Variants in ZC3H11A observed in about 807,000 individuals in gnomAD.
The protein encoded by ZC3H11A is zinc finger CCCH-type containing 11A.
Under a neutral mutation model 90.8 loss-of-function variants are expected in ZC3H11A, and 22 were observed. The ratio of observed to expected loss-of-function variants is 0.24; its 90% confidence interval spans 0.17 to 0.35. The LOEUF (loss-of-function observed/expected upper bound fraction) is 0.35, where lower values mean the gene tolerates loss of function less well. Ranked by LOEUF, ZC3H11A falls within the 10% of genes least tolerant of loss-of-function variation. ZC3H11A has a pLI of 1.00. For synonymous variants in ZC3H11A, 294 were observed against 339.8 expected, an observed-to-expected ratio of 0.87 and a Z score of 1.48; for missense variants, 701 against 964.9, an observed-to-expected ratio of 0.73 and a Z score of 3.62.
intron 14 of ZC3H11A, 32 bp downstream of exon 14, chr1:203,848,439 A>C (rs1208315071): frequency 6.5e-7 from 1 of 1,548,732 alleles, no homozygotes; most frequent in Non-Finnish European, 8.8e-7. Flanking sequence ...GGTTTTGTTC[A>C]TGGCAAACAA....
At chr1:203,842,570 A>G (rs1363708487) in intron 12 of ZC3H11A, among the ~76,000 whole-genome samples, 1 of 147,396 alleles carries the variant, frequency 6.8e-6, no homozygotes, top group African/African-American at 2.5e-5. Context: ...CTTGGCTTTC[A>G]CAACTTTGGT....
intron 4 of ZC3H11A, among the ~76,000 whole-genome samples, 166 bp downstream of exon 4, chr1:203,818,855 G>C (rs1452139903): frequency 1.3e-5 from 2 of 151,744 alleles, no homozygotes; most frequent in Non-Finnish European, 2.9e-5. Context: ...AGATCATGAG[G>C]TCAGGAGATT....
At chr1:203,842,102 C>G (rs1686511236) in intron 12 of ZC3H11A, among the ~76,000 whole-genome samples, 1 of 151,082 alleles carries the variant, frequency 6.6e-6, no homozygotes, top group Admixed American at 6.6e-5. Flanking sequence ...AAGAGGCGCT[C>G]CTCACTTCCC....
intron 12 of ZC3H11A, among the ~76,000 whole-genome samples, chr1:203,845,503 A>G (rs1030600170): frequency 6.6e-6 from 1 of 152,220 alleles, no homozygotes; most frequent in African/African-American, 2.4e-5. Context: ...ATTACAGTGT[A>G]CTGAGTGTTC....
intron 1 of ZC3H11A, chr1:203,799,763 G>A (rs1278495188): frequency 5.4e-6 from 5 of 928,300 alleles, no homozygotes; most frequent in Admixed American, 2.0e-5. Context: ...GTTTATCTCT[G>A]AAACTTGAAA....
intron 12 of ZC3H11A, among the ~76,000 whole-genome samples, chr1:203,842,869 T>C (rs1206192097): frequency 6.6e-6 from 1 of 151,594 alleles, no homozygotes; most frequent in East Asian, 1.9e-4. Flanking sequence ...CATAAGTATA[T>C]ATATGTACAG....
At chr1:203,851,424 G>C (rs1285402766) in intron 17 of ZC3H11A, among the ~76,000 whole-genome samples, 1 of 152,130 alleles carries the variant, frequency 6.6e-6, no homozygotes, top group Middle Eastern at 3.2e-3. Flanking sequence ...CCACTTCCCG[G>C]GTTCAAGCAA....
rs1267905512 is a variant in ZC3H11A, at chr1:203,799,115, T to C, written c.-1587-2460T>C. On this transcript the variant is annotated intron_variant, in intron 1 of 17. Coordinates refer to ENST00000367210, the MANE Select transcript of ZC3H11A (RefSeq NM_001376342.1). ...CAGTGCTTTGTGTTACAGGTTTGGC[T>C]AAAGACTGTTTGATAACCAATATTT... 3 of 1,530,700 alleles carry C rather than the reference T, an allele frequency of 2.0e-6. No homozygotes were observed. The South Asian group carries it at 3.6e-5, about 18-fold the overall frequency. 94.8% of individuals were successfully genotyped at this position (1,530,700 alleles called of 1,614,324 possible).
chr1:203,820,468 A>AG (rs1678195161), intron 4 of ZC3H11A, among the ~76,000 whole-genome samples: 1 of 150,386 alleles, frequency 6.6e-6, no homozygotes. Context: ...ATCACAAATT[A>AG]TGTGTGTGTG....
At chr1:203,848,483 A>C in intron 14 of ZC3H11A, 76 bp downstream of exon 14, 1 of 1,074,752 alleles carries the variant, frequency 9.3e-7, no homozygotes, top group Non-Finnish European at 1.4e-6. Flanking sequence ...CCTTACAATA[A>C]ATTTCTAAGT....
intron 2 of ZC3H11A, among the ~76,000 whole-genome samples, chr1:203,812,641 G>A (rs1674912091): frequency 7.1e-6 from 1 of 140,070 alleles, no homozygotes; most frequent in Admixed American, 7.6e-5. Context: ...GAGTATAGTG[G>A]CATGATCTCG....
Position 203,819,034 on chromosome 1 carries a change from A to G in ZC3H11A, c.174+345A>G, listed in dbSNP as rs1677308365. On this transcript the variant is annotated intron_variant, in intron 4 of 17. Coordinates refer to ENST00000367210, the MANE Select transcript of ZC3H11A (RefSeq NM_001376342.1). ...CAGTGAGCTGAGATCGCACCACTGC[A>G]CTCCAGCCTGGTGACAGAGCAACAC... Among the ~76,000 whole-genome samples the G allele has an allele frequency of 3.4e-5, 5 of 148,960 alleles. No homozygotes were observed. In the South Asian group the frequency reaches 1.1e-3, roughly 32 times the overall value.
intron 12 of ZC3H11A, among the ~76,000 whole-genome samples, chr1:203,844,730 T>G (rs1687408016): frequency 6.6e-6 from 1 of 152,142 alleles, no homozygotes; most frequent in African/African-American, 2.4e-5. Flanking sequence ...GGACTGAAGA[T>G]GGGAGGTCTG....
intron 3 of ZC3H11A, among the ~76,000 whole-genome samples, chr1:203,817,737 A>G (rs547314109): frequency 2.0e-5 from 3 of 151,848 alleles, no homozygotes; most frequent in South Asian, 4.2e-4. Flanking sequence ...TTTGTTCTTC[A>G]GTCATCTTGA....
In ZC3H11A at chr1:203,831,685, T is replaced by C; in HGVS notation, c.725T>C (p.Leu242Pro). 6.2e-7 allele frequency: 1 copy of C among 1,612,816 alleles called. No individual in the cohort carries two copies. Among genetic ancestry groups the C allele is most frequent in the African/African-American group, 1.3e-5 (1 of 75,036 alleles). Residue 242 changes from leucine (L) to proline (P), a missense_variant, in exon 9 of 18, where the codon CTT becomes CCT. Coordinates refer to ENST00000367210, the MANE Select transcript of ZC3H11A (RefSeq NM_001376342.1). ...QGEGSSGVSS[L>P]LLHPEPVPGP... is the part of the protein sequence containing the mutation. ...GAGGGTTCTTCAGGAGTTTCCAGTC[T>C]TTTACTCCACCCTGAGCCCGTTCCA...
intron 5 of ZC3H11A, 54 bp downstream of exon 5, chr1:203,828,476 A>G: frequency 6.4e-7 from 1 of 1,551,534 alleles, no homozygotes; most frequent in Non-Finnish European, 8.7e-7. Flanking sequence ...TATTATGCAC[A>G]CTGTACAACA....
chr1:203,846,004 T>A (rs1378175837), intron 12 of ZC3H11A, among the ~76,000 whole-genome samples: 3 of 150,504 alleles, frequency 2.0e-5, no homozygotes, highest in African/African-American at 7.4e-5. Flanking sequence ...AGACTGGGTA[T>A]GGTGGCTCAC....
Position 203,829,580 on chromosome 1 carries a change from G to T in ZC3H11A, c.428G>T (p.Ser143Ile), listed in dbSNP as rs1489888562. ...CTGCGGAGCGTTATGAAAGTAGAAAGTTCCGAAAATGTTCCTAGCCCCACG... is the reference window on the plus strand; with the variant it reads ...CTGCGGAGCGTTATGAAAGTAGAAATTTCCGAAAATGTTCCTAGCCCCACG... The part of the protein sequence containing the change: ...PQLRSVMKVE[S>I]SENVPSPTHP... The change falls in exon 6 of 18, where the codon AGT becomes ATT. Residue 143 changes from serine to isoleucine, a missense_variant. Transcript: ENST00000367210. The T allele has an allele frequency of 6.2e-7, 1 of 1,614,004 alleles. No homozygotes were observed. Among genetic ancestry groups the T allele is most frequent in the Non-Finnish European group, 8.5e-7 (1 of 1,180,030 alleles).
At position 203,840,345 on chromosome 1, in the gene ZC3H11A, C is replaced by T; in HGVS notation, c.1013C>T (p.Ser338Leu). The change falls in exon 12 of 18, where the codon TCA (serine) becomes TTA (leucine). Residue 338 changes from serine (S) to leucine (L), a missense_variant. This residue lies in a region of ZC3H11A where 530 missense variants were observed against 696.2 expected (regional missense o/e 0.76). Coordinates refer to ENST00000367210, the MANE Select transcript of ZC3H11A (RefSeq NM_001376342.1). ...TCTCTTAAGGAGCGATTAGGCATGTCAGCTGATCCAGATAATGAGGATGCA... is the reference window on the plus strand; with the variant it reads ...TCTCTTAAGGAGCGATTAGGCATGTTAGCTGATCCAGATAATGAGGATGCA... ...SKSLKERLGM[S>L]ADPDNEDATD... 6.2e-7 allele frequency: 1 copy of T among 1,613,350 alleles called. No homozygotes were observed. Among genetic ancestry groups the T allele is most frequent in the Non-Finnish European group, 8.5e-7 (1 of 1,179,496 alleles).
Sources: gnomAD v4.1 joint callset for allele counts (sites outside exome capture counted in the v4.1 genomes callset) on GRCh38, gnomAD v4.1.1 for gene constraint, gnomAD v4.1.1 regional missense constraint, MANE v1.5 for transcripts, NCBI Gene and HGNC (gene_info 2026-07-23, HGNC 2026-07-21) for gene names.